The following MED12L variants were observed in gnomAD, a reference collection of about 807,000 sequenced individuals.
The protein encoded by MED12L is mediator complex subunit 12L, also known as mediator of RNA polymerase II transcription subunit 12-like protein.
A neutral mutation model predicts 281.3 loss-of-function variants in MED12L; 60 were observed. The ratio of observed to expected loss-of-function variants is 0.21; its 90% CI spans 0.17 to 0.26. The LOEUF (loss-of-function observed/expected upper bound fraction) is 0.26, where lower values mean the gene tolerates loss of function less well. Ranked by LOEUF, MED12L falls within the 10% of genes least tolerant of loss-of-function variation. The pLI is 1.00. For synonymous variants in MED12L, 974 were observed against 987.2 expected (o/e 0.99, Z 0.25); for missense variants, 2,146 against 2,680.9 (o/e 0.80, Z 4.41).
intron 39 of MED12L, among the ~76,000 whole-genome samples, chr3:151,407,419 A>G (rs767924509): frequency 6.6e-6 from 1 of 152,204 alleles, no homozygotes; most frequent in Non-Finnish European, 1.5e-5. Flanking sequence ...TCTGTTTTGT[A>G]AAAATGGTAA....
chr3:151,323,132 A>C (rs1384892339), intron 16 of MED12L, among the ~76,000 whole-genome samples: 6 of 152,172 alleles, frequency 3.9e-5, no homozygotes, highest in African/African-American at 1.4e-4. Context: ...CATGTTAACC[A>C]CATGTTTTAC....
intron 40 of MED12L, 90 bp downstream of exon 40, chr3:151,409,422 C>G: frequency 9.3e-7 from 1 of 1,076,520 alleles, no homozygotes; most frequent in South Asian, 1.3e-5. Flanking sequence ...TATCAACTCC[C>G]TATAGGGTCT....
chr3:151,280,733 G>A (rs1338877649), intron 16 of MED12L, among the ~76,000 whole-genome samples: 1 of 151,834 alleles, frequency 6.6e-6, no homozygotes, highest in Non-Finnish European at 1.5e-5. Context: ...TGAAAGGAAA[G>A]CTCATCTGGA....
intron 18 of MED12L, among the ~76,000 whole-genome samples, 179 bp downstream of exon 18, chr3:151,355,418 A>G (rs1011907316): frequency 6.6e-6 from 1 of 152,196 alleles, no homozygotes; most frequent in African/African-American, 2.4e-5. Flanking sequence ...TCCTCGAAGG[A>G]TTAATTTTTA....
intron 2 of MED12L, among the ~76,000 whole-genome samples, chr3:151,112,570 G>A (rs936037802): frequency 6.6e-6 from 1 of 152,180 alleles, no homozygotes. Flanking sequence ...GTCCATTGTA[G>A]TGTGCCTGAG....
In MED12L at chr3:151,192,555, G is replaced by C; in HGVS notation, c.1974G>C (p.Gln658His). The C allele has an allele frequency of 6.5e-7, 1 of 1,531,638 alleles. No homozygotes were observed. The highest frequency in any genetic ancestry group is 8.8e-7 in the Non-Finnish European group (1 of 1,142,790). 94.9% of individuals were successfully genotyped at this position (1,531,638 alleles called of 1,614,324 possible). The change falls in exon 15 of 45, where the codon CAG becomes CAC. Residue 658 changes from glutamine to histidine, a missense_variant. Gln to His is a conservative substitution (Grantham distance 24). Transcript: ENST00000687756. ...CTTTCTCTGGCGATTATCAGGAACA[G>C]AGTATTATGGCGCATATGGGCATTG... is the stretch of plus-strand genomic sequence containing the variant. ...SKDHDVKMEE[Q>H]SIMAHMGIDS...
At chr3:151,153,490 T>TC (rs1718840059) in intron 5 of MED12L, among the ~76,000 whole-genome samples, 1 of 152,134 alleles carries the variant, frequency 6.6e-6, no homozygotes, top group African/African-American at 2.4e-5. Flanking sequence ...ACTTTCTTTG[T>TC]ATTTTCTACC....
intron 16 of MED12L, among the ~76,000 whole-genome samples, chr3:151,209,322 T>C (rs1474150333): frequency 6.6e-6 from 1 of 152,250 alleles, no homozygotes; most frequent in African/African-American, 2.4e-5. Flanking sequence ...CATGTAATAT[T>C]TATCACATAC....
chr3:151,140,535 T>A (rs776753791), intron 5 of MED12L, among the ~76,000 whole-genome samples: 3 of 152,234 alleles, frequency 2.0e-5, no homozygotes, highest in Non-Finnish European at 2.9e-5. Flanking sequence ...GGAAACATAT[T>A]TCAGCTTTTC....
At chr3:151,374,464 C>T (rs1270061453) in intron 27 of MED12L, among the ~76,000 whole-genome samples, 2 of 152,162 alleles carry the variant, frequency 1.3e-5, no homozygotes, top group African/African-American at 4.8e-5. Context: ...ATGAGAATCG[C>T]TTGAAACTGG....
At chr3:151,369,366 T>G (rs1396407951) in intron 25 of MED12L, 70 bp from the exon 26 acceptor site, 1 of 1,059,248 alleles carries the variant, frequency 9.4e-7, no homozygotes, top group African/African-American at 1.6e-5. Context: ...AAAGGCTGAC[T>G]GCCTGTAAAT....
chr3:151,213,057 G>T, intron 16 of MED12L: 1 of 265,442 alleles, frequency 3.8e-6, no homozygotes, highest in Non-Finnish European at 7.0e-6. Context: ...TTGAATAATT[G>T]TATGTATTAA....
intron 16 of MED12L, chr3:151,337,685 G>A (rs901621813): frequency 1.1e-6 from 1 of 911,500 alleles, no homozygotes; most frequent in African/African-American, 1.7e-5. Flanking sequence ...AATTGCTTTT[G>A]TAATCTTCTG....
chr3:151,339,080 GAA>G (rs1338416842), intron 16 of MED12L, among the ~76,000 whole-genome samples: 3 of 152,122 alleles, frequency 2.0e-5, no homozygotes, highest in South Asian at 4.1e-4. Context: ...TACAATATGT[GAA>G]GTTATAGATG....
chr3:151,118,567 T>A (rs1250786387), intron 3 of MED12L, among the ~76,000 whole-genome samples: 1 of 152,212 alleles, frequency 6.6e-6, no homozygotes, highest in Non-Finnish European at 1.5e-5. Context: ...TTAACCATTT[T>A]TAAGTGTACA....
At chr3:151,252,001 G>A (rs1736941156) in intron 16 of MED12L, among the ~76,000 whole-genome samples, 2 of 152,098 alleles carry the variant, frequency 1.3e-5, no homozygotes, top group Admixed American at 1.3e-4. Flanking sequence ...ACATAACTGT[G>A]TAATTTGTCT....
chr3:151,261,087 G>A (rs1022548790), intron 16 of MED12L, among the ~76,000 whole-genome samples: 1 of 152,054 alleles, frequency 6.6e-6, no homozygotes, highest in Non-Finnish European at 1.5e-5. Context: ...GAAGCATCTT[G>A]ATTTTCAGGG....
chr3:151,338,736 A>G (rs763701099), intron 16 of MED12L: 21 of 1,613,696 alleles, frequency 1.3e-5, no homozygotes, highest in Non-Finnish European at 1.7e-5. Context: ...AAGTCCAACA[A>G]AAAACAGGAC....
Position 151,434,892 on chromosome 3 carries a change from ATCTTTTT to A in MED12L, c.*2097_*2103del, listed in dbSNP as rs1333078769. On this transcript the variant is annotated 3_prime_UTR_variant, in exon 45 of 45. Transcript: ENST00000687756. Reference sequence around the variant, plus strand: ...TTTGCACATGAAAGCTGTGGGGCATATCTTTTTTCTTTTTTTAGGTGAGGAAGTTATG... The same window carrying A: ...TTTGCACATGAAAGCTGTGGGGCATATCTTTTTTTAGGTGAGGAAGTTATG... 4.6e-5 allele frequency: 7 copies of A among 152,296 alleles called. No individual in the cohort carries two copies. Among genetic ancestry groups the A allele is most frequent in the African/African-American group, 1.4e-4 (6 of 41,578 alleles). 9.4% of individuals were successfully genotyped at this position (152,296 alleles called of 1,614,324 possible). A position where few individuals can be genotyped will look rare whatever the true frequency, so the allele number is the denominator to read the frequency against.
Sources: gnomAD v4.1 joint callset for allele counts (sites outside exome capture counted in the v4.1 genomes callset) on GRCh38, gnomAD v4.1.1 for gene constraint, MANE v1.5 for transcripts, NCBI Gene and HGNC (gene_info 2026-07-23, HGNC 2026-07-21) for gene names.